CSPG4: variants seen among roughly 807,000 people sequenced by gnomAD.
CSPG4 encodes the protein chondroitin sulfate proteoglycan 4 (melanoma-associated).
In CSPG4, 74 loss-of-function variants were observed where a neutral mutation model predicts 139.3. The observed-to-expected ratio is 0.53, with a 90% CI of 0.44 to 0.64. CSPG4 has a LOEUF of 0.64. Ranked by LOEUF, CSPG4 falls within the 30% of genes least tolerant of loss-of-function variation. CSPG4 has a pLI of 0.00. For missense variants in CSPG4, 2,565 were observed against 3,148.3 expected, an observed-to-expected ratio of 0.81 and a Z score of 4.43; for synonymous variants, 1,234 against 1,394.2, an observed-to-expected ratio of 0.89 and a Z score of 2.56.
At chr15:75,693,652 A>G (rs994122874) in intron 1 of CSPG4, among the ~76,000 whole-genome samples, 1 of 152,206 alleles carries the variant, frequency 6.6e-6, no homozygotes, top group Non-Finnish European at 1.5e-5. Context: ...CACAGCCCCA[A>G]GGAATGGAGT....
intron 1 of CSPG4, among the ~76,000 whole-genome samples, chr15:75,706,645 G>A (rs767511148): frequency 1.8e-4 from 28 of 152,104 alleles, no homozygotes; most frequent in South Asian, 4.1e-4. Flanking sequence ...TGGGGGTGGC[G>A]ATACTGGAGC....
intron 1 of CSPG4, among the ~76,000 whole-genome samples, chr15:75,699,468 C>T (rs550832123): frequency 1.1e-4 from 17 of 152,304 alleles, no homozygotes; most frequent in South Asian, 6.2e-4. Context: ...GAGTCACCCA[C>T]GTAGAGGGGC....
At chr15:75,707,274 A>C (rs1287445590) in intron 1 of CSPG4, among the ~76,000 whole-genome samples, 1 of 152,196 alleles carries the variant, frequency 6.6e-6, no homozygotes, top group African/African-American at 2.4e-5. Flanking sequence ...ATAAGAACTT[A>C]ACATAAATTT....
Position 75,675,389 on chromosome 15 carries a change from C to T in CSPG4, c.*161G>A, listed in dbSNP as rs1331073697. Reference sequence around the variant, plus strand: ...TTCCAGCTCTTGACTCCACTCTGTCCCGGACCCCTGGGACTATCTCCCAGG... The same window carrying T: ...TTCCAGCTCTTGACTCCACTCTGTCTCGGACCCCTGGGACTATCTCCCAGG... On this transcript the variant is annotated 3_prime_UTR_variant, in exon 10 of 10. Transcript: ENST00000308508. The T allele has an allele frequency of 1.4e-6, 1 of 736,950 alleles. No individual in the cohort carries two copies. Among genetic ancestry groups the T allele is most frequent in the East Asian group, 3.3e-5 (1 of 29,950 alleles). 45.7% of individuals were successfully genotyped at this position (736,950 alleles called of 1,614,324 possible).
Position 75,675,198 on chromosome 15 carries a change from C to A in CSPG4, c.*352G>T, listed in dbSNP as rs563803975. 1 of 296,110 alleles carries A rather than the reference C, an allele frequency of 3.4e-6. No homozygotes were observed. Among genetic ancestry groups the A allele is most frequent in the Non-Finnish European group, 6.2e-6 (1 of 161,298 alleles). The allele number at this position is 296,110 out of a possible 1,614,324, so 18.3% of individuals were successfully genotyped here. A position where few individuals can be genotyped will look rare whatever the true frequency, so the allele number is the denominator to read the frequency against. On this transcript the variant is annotated 3_prime_UTR_variant, in exon 10 of 10. Coordinates refer to ENST00000308508, the MANE Select transcript of CSPG4 (RefSeq NM_001897.5). ...TGCCCTCTTAGCAGCCTGGGTCAGG[C>A]GCGACTTACCCAAGGTCACAGACCC...
Position 75,677,239 on chromosome 15 carries a change from C to G in CSPG4, c.5280G>C (p.Leu1760=). 1 of 1,487,634 alleles carries G rather than the reference C, an allele frequency of 6.7e-7. No homozygotes were observed. The highest frequency in any genetic ancestry group is 2.5e-5 in the East Asian group (1 of 40,638). 92.2% of individuals were successfully genotyped at this position (1,487,634 alleles called of 1,614,324 possible). Residue 1760 remains leucine, a synonymous_variant, in exon 10 of 10, where the codon CTG becomes CTC. Transcript: ENST00000308508. ...QVTQFPSRGQ[L]LVSEEPLHAG... ...CATGGAGGGGCTCCTCGGACACCAA[C>G]AGCTGGCCCCGGCTGGGGAACTGTG...
rs2141426063 is a variant in CSPG4, at chr15:75,684,797, G to A, written c.4388C>T (p.Thr1463Ile). 6.2e-7 allele frequency: 1 copy of A among 1,613,764 alleles called. No individual in the cohort carries two copies. Among genetic ancestry groups the A allele is most frequent in the South Asian group, 1.1e-5 (1 of 91,078 alleles). Residue 1463 changes from threonine to isoleucine, a missense_variant, in exon 5 of 10, where the codon ACT becomes ATT. Thr to Ile is a moderately conservative substitution (Grantham distance 89). Transcript: ENST00000308508. ...MDRQSHPVAFTVTVLPVNDQP... is the reference protein window; with the variant it reads ...MDRQSHPVAFIVTVLPVNDQP... ...GTCATTGACAGGCAGGACAGTGACA[G>A]TGAAGGCCACAGGATGGCTCTGGCG...
In CSPG4 at chr15:75,683,016, A is replaced by G; in HGVS notation, c.4475T>C (p.Ile1492Thr). Residue 1492 changes from isoleucine to threonine, a missense_variant, in exon 6 of 10, where the codon ATC becomes ACC. By Grantham distance (89) the Ile-to-Thr change is moderately conservative (BLOSUM62 -1). Coordinates refer to ENST00000308508, the MANE Select transcript of CSPG4 (RefSeq NM_001897.5). Reference sequence around the variant, plus strand: ...CGTGCTCCTCAGAGCCTCCGCAGGGATGGGCGCAGTGGCCCCCTCCCACAT... The same window carrying G: ...CGTGCTCCTCAGAGCCTCCGCAGGGGTGGGCGCAGTGGCCCCCTCCCACAT... ...LQMWEGATAP[I>T]PAEALRSTDG... is the part of the protein sequence containing the mutation. 1 of 1,610,790 alleles carries G rather than the reference A, an allele frequency of 6.2e-7. No homozygotes were observed.
rs1446553981 is a variant in CSPG4 at position 75,712,825 on chromosome 15, G to C, written c.-70C>G. On this transcript the variant is annotated 5_prime_UTR_variant, in exon 1 of 10. Coordinates refer to ENST00000308508, the MANE Select transcript of CSPG4 (RefSeq NM_001897.5). The stretch of plus-strand genomic sequence containing the variant: ...CTGGGAGCTGGGAGCTGAGTGGAGC[G>C]AGCGCGGCTCTGCTCCTGGGCGCGG... 2.1e-5 allele frequency: 28 copies of C among 1,351,616 alleles called. No individual in the cohort carries two copies. The highest frequency in any genetic ancestry group is 2.7e-5 in the Non-Finnish European group (27 of 1,010,560). 83.7% of individuals were successfully genotyped at this position (1,351,616 alleles called of 1,614,324 possible). A position where few individuals can be genotyped will look rare whatever the true frequency, so the allele number is the denominator to read the frequency against.
At position 75,689,060 on chromosome 15, in the gene CSPG4, T is replaced by G; in HGVS notation, c.2005A>C (p.Thr669Pro). ...IRPAIQIHRS[T>P]GLRLAQGSAM... ...GAGCCTTGGGCCAGTCGCAACCCTGTGCTGCGGTGGATCTGTATGGCCGGC... is the reference window on the plus strand; with the variant it reads ...GAGCCTTGGGCCAGTCGCAACCCTGGGCTGCGGTGGATCTGTATGGCCGGC... Residue 669 changes from threonine (T) to proline (P), a missense_variant, in exon 3 of 10, where the codon ACA becomes CCA. Transcript: ENST00000308508. The G allele has an allele frequency of 6.2e-7, 1 of 1,610,784 alleles. No homozygotes were observed. The highest frequency in any genetic ancestry group is 8.5e-7 in the Non-Finnish European group (1 of 1,179,486).
chr15:75,681,353 C>CCAACAAGG (rs57212485), intron 8 of CSPG4, among the ~76,000 whole-genome samples: 2 of 151,930 alleles, frequency 1.3e-5, no homozygotes, highest in Admixed American at 1.3e-4. Flanking sequence ...GAGTCCCTGC[C>CCAACAAGG]GAGCTAGGAA....
rs549083696 is a variant in CSPG4, at chr15:75,690,213, G to A, written c.852C>T (p.Pro284=). The change falls in exon 3 of 10, where the codon CCC becomes CCT. Residue 284 remains proline, a synonymous_variant. Transcript: ENST00000308508. ...CATTGATGTGGACACTGACCTCATG[G>A]GGCTGCCCATCGGCCACAGGCACAC... ...HNSVPVADGQ[P]HEVSVHINAH... is the part of the protein sequence containing the mutation. 6.2e-7 allele frequency: 1 copy of A among 1,613,386 alleles called. No individual in the cohort carries two copies. Among genetic ancestry groups the A allele is most frequent in the South Asian group, 1.1e-5 (1 of 91,078 alleles).
rs201719537 is a variant in CSPG4 at position 75,689,016 on chromosome 15, G to A, written c.2049C>T (p.Pro683=). ...CATTGGTCTCCACCGACAGGTTGGC[G>A]GGCAAGATGGGCATGGCAGAGCCTT... ...LAQGSAMPIL[P]ANLSVETNAV... Residue 683 remains proline, a synonymous_variant, in exon 3 of 10, where the codon CCC becomes CCT. Transcript: ENST00000308508. 243 of 1,612,072 alleles carry A rather than the reference G, an allele frequency of 1.5e-4. No homozygotes were observed. The highest frequency in any genetic ancestry group is 3.2e-4 in the Admixed American group (19 of 60,024).
chr15:75,686,365 C>T (rs1348230979), intron 3 of CSPG4, among the ~76,000 whole-genome samples: 3 of 152,226 alleles, frequency 2.0e-5, no homozygotes, highest in South Asian at 4.1e-4. Context: ...GCTATTACCA[C>T]CCAGGACCAT....
At position 75,674,562 on chromosome 15, in the gene CSPG4, T is replaced by C. The variant is rs1311844017; in HGVS notation, c.*988A>G. The C allele has an allele frequency of 1.0e-5, 4 of 392,908 alleles. No individual in the cohort carries two copies. Among genetic ancestry groups the C allele is most frequent in the Non-Finnish European group, 1.8e-5 (4 of 222,746 alleles). 24.3% of individuals were successfully genotyped at this position (392,908 alleles called of 1,614,324 possible). A position where few individuals can be genotyped will look rare whatever the true frequency, so the allele number is the denominator to read the frequency against. On this transcript the variant is annotated 3_prime_UTR_variant, in exon 10 of 10. Transcript: ENST00000308508. Reference sequence around the variant, plus strand: ...GAGGGCCGACCCCAGGGGCCCTCTGTATGCAAGCCGACGCAGACAAGGGCC... The same window carrying C: ...GAGGGCCGACCCCAGGGGCCCTCTGCATGCAAGCCGACGCAGACAAGGGCC...
intron 8 of CSPG4, among the ~76,000 whole-genome samples, chr15:75,681,119 T>C (rs532887979): frequency 5.1e-4 from 78 of 152,224 alleles, no homozygotes; most frequent in Non-Finnish European, 9.9e-4. Context: ...GCCTGACAAA[T>C]ATCTCATTGT....
At chr15:75,682,580 A>T in intron 7 of CSPG4, 27 bp downstream of exon 7, 1 of 1,608,270 alleles carries the variant, frequency 6.2e-7, no homozygotes, top group Non-Finnish European at 8.5e-7. Flanking sequence ...CCTGGCACCC[A>T]GGAATGCCCA....
Position 75,709,421 on chromosome 15 carries a change from G to T in CSPG4, c.88+3247C>A, listed in dbSNP as rs1359025915. ...CCAGGCCTCAGTCCCATGCCCACAG[G>T]CCCCTTGTTCATTTGCCCCTGGCCT... is the stretch of plus-strand genomic sequence containing the variant. On this transcript the variant is annotated intron_variant, in intron 1 of 9. Transcript: ENST00000308508. Among the ~76,000 whole-genome samples the T allele has an allele frequency of 7.2e-5, 11 of 152,230 alleles. No homozygotes were observed. The East Asian group carries it at 2.1e-3, about 29-fold the overall frequency.
intron 1 of CSPG4, among the ~76,000 whole-genome samples, chr15:75,705,983 G>A (rs2141440410): frequency 6.6e-6 from 1 of 152,258 alleles, no homozygotes; most frequent in South Asian, 2.1e-4. Flanking sequence ...GTCTGTGTGT[G>A]CCTGTGTGCG....
Sources: gnomAD v4.1 joint callset for allele counts (sites outside exome capture counted in the v4.1 genomes callset) on GRCh38, gnomAD v4.1.1 for gene constraint, MANE v1.5 for transcripts, NCBI Gene and HGNC (gene_info 2026-07-23, HGNC 2026-07-21) for gene names.